PRR16: variants seen among roughly 807,000 people sequenced by gnomAD.
PRR16 encodes protein Largen.
PRR16 carries 6 observed loss-of-function variants against 18.2 expected under a neutral mutation model. The ratio of observed to expected loss-of-function variants is 0.33; its 90% confidence interval spans 0.18 to 0.65. The LOEUF (loss-of-function observed/expected upper bound fraction) is 0.65. Among genes scored for constraint, PRR16 ranks in the 30% least tolerant of loss-of-function variants. The pLI is 0.74. For synonymous variants in PRR16, 151 were observed against 147.8 expected (o/e 1.02, Z -0.16); for missense variants, 412 against 376.6 (o/e 1.09, Z -0.78).
chr5:120,567,114 G>A (rs1298891583), intron 1 of PRR16, among the ~76,000 whole-genome samples: 1 of 152,084 alleles, frequency 6.6e-6, no homozygotes, highest in African/African-American at 2.4e-5. Context: ...AATTGGTGTA[G>A]AGGAATAAAT....
intron 1 of PRR16, among the ~76,000 whole-genome samples, chr5:120,610,867 A>C (rs1754311922): frequency 6.6e-6 from 1 of 152,240 alleles, no homozygotes; most frequent in Admixed American, 6.5e-5. Context: ...ACTAGGTAAC[A>C]GGCAGAGAGG....
intron 1 of PRR16, among the ~76,000 whole-genome samples, chr5:120,506,441 A>G (rs574047170): frequency 1.2e-4 from 18 of 152,258 alleles, no homozygotes; most frequent in African/African-American, 4.1e-4. Flanking sequence ...CGTAAGCTCA[A>G]CTGATTTGTA....
In PRR16 at chr5:120,686,655, T is replaced by C. The variant is rs1561617374; in HGVS notation, c.861T>C (p.Thr287=). The change falls in exon 2 of 2, where the codon ACT becomes ACC. Residue 287 remains threonine, a synonymous_variant. Transcript: ENST00000407149. ...PIRPATVPPP[T]APKPQKTILR... ...GACCTGCAACTGTGCCTCCTCCCAC[T>C]GCACCAAAACCACAGAAGACGATCT... The C allele has an allele frequency of 6.3e-7, 1 of 1,588,568 alleles. No individual in the cohort carries two copies. The highest frequency in any genetic ancestry group is 8.6e-7 in the Non-Finnish European group (1 of 1,165,258).
chr5:120,772,178 G>T, the PRR16 span, among the ~76,000 whole-genome samples: 1 of 152,028 alleles, frequency 6.6e-6, no homozygotes, highest in Non-Finnish European at 1.5e-5. Context: ...TAAGCAATAT[G>T]CAAAACTCAA....
chr5:120,524,524 G>A (rs895734432), intron 1 of PRR16, among the ~76,000 whole-genome samples: 1 of 152,032 alleles, frequency 6.6e-6, no homozygotes, highest in Admixed American at 6.6e-5. Context: ...ACCATAGGCT[G>A]GGAAGGGTAG....
chr5:120,565,056 G>A (rs146702138), intron 1 of PRR16, among the ~76,000 whole-genome samples: 74 of 151,628 alleles, frequency 4.9e-4, no homozygotes, highest in Non-Finnish European at 8.8e-4. Flanking sequence ...TTGTGATGGT[G>A]CTTTTCTGTG....
the PRR16 span, among the ~76,000 whole-genome samples, chr5:120,726,032 A>G: frequency 6.6e-6 from 1 of 151,952 alleles, no homozygotes; most frequent in Non-Finnish European, 1.5e-5. Context: ...TATGCTAAAC[A>G]CTTGCCTTGT....
intron 1 of PRR16, among the ~76,000 whole-genome samples, chr5:120,674,353 C>T (rs957305678): frequency 2.0e-5 from 3 of 152,080 alleles, no homozygotes; most frequent in Admixed American, 6.6e-5. Flanking sequence ...CAGAATATCT[C>T]GTTAATTAAC....
At chr5:120,499,095 TCTTTTTTTTTTAATCA>T (rs1045207632) in intron 1 of PRR16, among the ~76,000 whole-genome samples, 2 of 151,108 alleles carry the variant, frequency 1.3e-5, no homozygotes, top group African/African-American at 4.9e-5. Flanking sequence ...TTTTCAGTCA[TCTTTTTTTTTTAATCA>T]CTTTTTTTTT....
chr5:120,737,307 G>GTTTTTTTTTTTTTT, the PRR16 span, among the ~76,000 whole-genome samples: 1 of 51,088 alleles, frequency 2.0e-5, no homozygotes, highest in Non-Finnish European at 3.6e-5. Context: ...AGTTTGTTGA[G>GTTTTTTTTTTTTTT]TTTTTTTTTT....
At chr5:120,472,286 C>G (rs1046107494) in intron 1 of PRR16, among the ~76,000 whole-genome samples, 5 of 152,050 alleles carry the variant, frequency 3.3e-5, no homozygotes, top group African/African-American at 1.2e-4. Context: ...CAAATGTTAA[C>G]AGATACATTG....
At chr5:120,484,451 T>A (rs1254267507) in intron 1 of PRR16, among the ~76,000 whole-genome samples, 4 of 145,304 alleles carry the variant, frequency 2.8e-5, no homozygotes, top group Non-Finnish European at 4.5e-5. Flanking sequence ...ATGTTAGATA[T>A]ATTTTATATC....
chr5:120,581,589 T>C (rs1321316624), intron 1 of PRR16, among the ~76,000 whole-genome samples: 1 of 152,216 alleles, frequency 6.6e-6, no homozygotes, highest in Non-Finnish European at 1.5e-5. Context: ...CTTGCCTCTC[T>C]GGCTCTTTTA....
chr5:120,615,462 A>T (rs114622515), intron 1 of PRR16, among the ~76,000 whole-genome samples: 8,684 of 144,402 alleles, frequency 0.06, 328 homozygotes, highest in South Asian at 0.084. Flanking sequence ...TTTCCTTCTG[A>T]AGTATTAAAA....
chr5:120,671,229 T>C (rs1238886072), intron 1 of PRR16, among the ~76,000 whole-genome samples: 1 of 152,186 alleles, frequency 6.6e-6, no homozygotes, highest in Non-Finnish European at 1.5e-5. Context: ...TTGTGCCTAA[T>C]GTGTTGCCTA....
At chr5:120,517,013 A>G (rs959280005) in intron 1 of PRR16, among the ~76,000 whole-genome samples, 3 of 152,178 alleles carry the variant, frequency 2.0e-5, no homozygotes, top group South Asian at 2.1e-4. Context: ...AAAAATTCTC[A>G]TGAGGTAAAT....
the PRR16 span, among the ~76,000 whole-genome samples, chr5:120,731,322 A>G: frequency 2.0e-5 from 3 of 152,214 alleles, no homozygotes; most frequent in African/African-American, 7.2e-5. Context: ...CTCTTAAACT[A>G]TAGGAGAAGC....
the PRR16 span, among the ~76,000 whole-genome samples, chr5:120,760,000 C>G: frequency 6.6e-6 from 1 of 152,102 alleles, no homozygotes; most frequent in Non-Finnish European, 1.5e-5. Flanking sequence ...AGGTGCTAAT[C>G]TAAGTCATTT....
At chr5:120,784,945 G>A in the PRR16 span, among the ~76,000 whole-genome samples, 2 of 152,084 alleles carry the variant, frequency 1.3e-5, no homozygotes, top group Admixed American at 6.6e-5. Context: ...GTAACTAGTT[G>A]CAGGTGCTAC....
Sources: gnomAD v4.1 joint callset for allele counts (sites outside exome capture counted in the v4.1 genomes callset) on GRCh38, gnomAD v4.1.1 for gene constraint, MANE v1.5 for transcripts, NCBI Gene and HGNC (gene_info 2026-07-23, HGNC 2026-07-21) for gene names.